SI: variants seen among roughly 807,000 people sequenced by gnomAD.
The protein encoded by SI is sucrase-isomaltase.
A neutral mutation model predicts 253.3 loss-of-function variants in SI; 235 were observed. That is an observed-to-expected ratio of 0.93 (90% CI 0.83 to 1.03). SI has a LOEUF of 1.03. Among genes scored for constraint, SI ranks in the 50% least tolerant of loss-of-function variants. SI has a pLI of 0.00. For missense variants in SI, 2,442 were observed against 2,211.1 expected (o/e 1.10, Z -2.09); for synonymous variants, 819 against 712.0 (o/e 1.15, Z -2.39).
At chr3:165,047,155 C>A in intron 15 of SI, 143 bp from the exon 16 acceptor site, 2 of 653,330 alleles carry the variant, frequency 3.1e-6, no homozygotes, top group Non-Finnish European at 5.2e-6. Context: ...TTGTAACTTC[C>A]ACAATTCCCA....
chr3:165,018,652 A>G (rs1164263310), intron 28 of SI, among the ~76,000 whole-genome samples: 1 of 151,256 alleles, frequency 6.6e-6, no homozygotes, highest in Non-Finnish European at 1.5e-5. Context: ...TAATATATAT[A>G]AAATTACCAG....
chr3:165,019,887 C>T, intron 27 of SI, 117 bp from the exon 28 acceptor site: 1 of 916,540 alleles, frequency 1.1e-6, no homozygotes, highest in South Asian at 1.4e-5. Context: ...TTCCATATTC[C>T]TAATTATACC....
At chr3:165,020,459 G>C (rs149649717) in intron 27 of SI, among the ~76,000 whole-genome samples, 2 of 151,478 alleles carry the variant, frequency 1.3e-5, no homozygotes, top group Admixed American at 1.3e-4. Context: ...CTATTTAATC[G>C]AGAATAATGC....
Position 165,015,163 on chromosome 3 carries a change from A to G in SI, c.3959T>C (p.Phe1320Ser). The G allele has an allele frequency of 1.2e-6, 2 of 1,613,578 alleles. No homozygotes were observed. Among genetic ancestry groups the G allele is most frequent in the Non-Finnish European group, 1.7e-6 (2 of 1,179,678 alleles). ...GTCATTGGTGTTTGGCCATTTGACAAAGACATCATTCTGCTGTCCTCTTTC... is the reference window on the plus strand; with the variant it reads ...GTCATTGGTGTTTGGCCATTTGACAGAGACATCATTCTGCTGTCCTCTTTC... ...AFERGQQNDV[F>S]VKWPNTNDIC... The change falls in exon 33 of 48, where the codon TTT becomes TCT. Residue 1320 changes from phenylalanine to serine, a missense_variant. Coordinates refer to ENST00000264382, the MANE Select transcript of SI (RefSeq NM_001041.4).
chr3:165,068,908 G>A, intron 4 of SI, 77 bp from the exon 5 acceptor site: 1 of 1,076,904 alleles, frequency 9.3e-7, no homozygotes, highest in Non-Finnish European at 1.4e-6. Context: ...TTATGTTATT[G>A]TATTTACCAC....
chr3:165,040,858 G>T, intron 18 of SI, 82 bp downstream of exon 18: 1 of 1,106,496 alleles, frequency 9.0e-7, no homozygotes, highest in Non-Finnish European at 1.4e-6. Flanking sequence ...TTGATATCTT[G>T]ATTTACCTCC....
intron 16 of SI, among the ~76,000 whole-genome samples, chr3:165,043,679 A>G (rs1712970996): frequency 6.6e-6 from 1 of 152,062 alleles, no homozygotes; most frequent in African/African-American, 2.4e-5. Flanking sequence ...ATCCTTATTC[A>G]AGGACTCTCC....
intron 23 of SI, 100 bp from the exon 24 acceptor site, chr3:165,032,792 T>A: frequency 4.2e-6 from 3 of 706,952 alleles, no homozygotes; most frequent in Non-Finnish European, 7.2e-6. Context: ...ATCATCTACA[T>A]CTCTATTCCC....
At chr3:165,061,613 A>T (rs995337422) in intron 9 of SI, among the ~76,000 whole-genome samples, 1 of 152,028 alleles carries the variant, frequency 6.6e-6, no homozygotes, top group Non-Finnish European at 1.5e-5. Context: ...CAAGAAAATA[A>T]TATTTTTAAA....
chr3:165,043,252 A>G (rs1712941710), intron 16 of SI, 77 bp from the exon 17 acceptor site: 1 of 908,278 alleles, frequency 1.1e-6, no homozygotes, highest in Non-Finnish European at 1.8e-6. Context: ...GTATGCCTCA[A>G]CTGATGAATG....
chr3:164,983,947 A>T (rs1717318480), intron 45 of SI, among the ~76,000 whole-genome samples: 1 of 152,076 alleles, frequency 6.6e-6, no homozygotes, highest in African/African-American at 2.4e-5. Context: ...CCTACAGGTA[A>T]AACTTGTTTA....
chr3:164,981,753 T>C (rs1017515736), intron 47 of SI, among the ~76,000 whole-genome samples: 1 of 152,152 alleles, frequency 6.6e-6, no homozygotes, highest in Non-Finnish European at 1.5e-5. Flanking sequence ...AAATTTTTTG[T>C]TCAAAGTAAA....
rs138264311 is a variant in SI at position 165,047,478 on chromosome 3, C to T, written c.1716-466G>A. ...CATGAAACTGGGCTAATACACCATGCCATAATATTTATAATAATTATGTCA... is the reference window on the plus strand; with the variant it reads ...CATGAAACTGGGCTAATACACCATGTCATAATATTTATAATAATTATGTCA... On this transcript the variant is annotated intron_variant, in intron 15 of 47. Coordinates refer to ENST00000264382, the MANE Select transcript of SI (RefSeq NM_001041.4). 1.5e-3 allele frequency among the ~76,000 whole-genome samples: 225 copies of T among 151,888 alleles called. 3 individuals carry two copies. Among genetic ancestry groups the T allele is most frequent in the Non-Finnish European group, 1.7e-3 (118 of 67,946 alleles).
At chr3:165,068,289 C>T (rs889002991) in intron 5 of SI, among the ~76,000 whole-genome samples, 2 of 152,070 alleles carry the variant, frequency 1.3e-5, no homozygotes, top group African/African-American at 4.8e-5. Flanking sequence ...TTTAAAGCCT[C>T]CAAAAATAAG....
chr3:164,992,371 T>A lies in SI; in HGVS notation c.4868A>T (p.Asp1623Val), dbSNP rs146899814. The change falls in exon 42 of 48, where the codon GAT (aspartate) becomes GTT (valine). Residue 1623 changes from aspartate (D) to valine (V), a missense_variant. Coordinates refer to ENST00000264382, the MANE Select transcript of SI (RefSeq NM_001041.4). Reference protein sequence around the residue: ...HEFFDEKPTWDIFKQFLWGPA... With the variant: ...HEFFDEKPTWVIFKQFLWGPA... Reference sequence around the variant, plus strand: ...ACCCCATAAGAACTGCTTGAATATATCCCAGGTTGGTTTTTCATCAAAGAA... The same window carrying A: ...ACCCCATAAGAACTGCTTGAATATAACCCAGGTTGGTTTTTCATCAAAGAA... The A allele has an allele frequency of 1.2e-6, 2 of 1,612,312 alleles. No homozygotes were observed. The highest frequency in any genetic ancestry group is 1.7e-6 in the Non-Finnish European group (2 of 1,179,162).
At position 165,019,649 on chromosome 3, in the gene SI, G is replaced by T. The variant is rs1300168006; in HGVS notation, c.3376C>A (p.Leu1126Met). The T allele has an allele frequency of 6.2e-7, 1 of 1,612,594 alleles. No homozygotes were observed. ...EVEHTAFKRD[L>M]NWNTWGMFTR... is the part of the protein sequence containing the mutation. Reference sequence around the variant, plus strand: ...AACATTCCCCAAGTATTCCAGTTCAGATCTCGCTTAAATGCTGTATGTTCC... The same window carrying T: ...AACATTCCCCAAGTATTCCAGTTCATATCTCGCTTAAATGCTGTATGTTCC... The change falls in exon 28 of 48, where the codon CTG becomes ATG. Residue 1126 changes from leucine to methionine, a missense_variant. Coordinates refer to ENST00000264382, the MANE Select transcript of SI (RefSeq NM_001041.4).
At chr3:164,981,877 GT>G (rs1717204878) in intron 47 of SI, among the ~76,000 whole-genome samples, 1 of 152,108 alleles carries the variant, frequency 6.6e-6, no homozygotes, top group Non-Finnish European at 1.5e-5. Context: ...GTTTTATTAA[GT>G]TTGCAAGAAT....
intron 47 of SI, among the ~76,000 whole-genome samples, chr3:164,981,934 T>C (rs932866434): frequency 1.3e-5 from 2 of 152,152 alleles, no homozygotes; most frequent in African/African-American, 4.8e-5. Context: ...AATGCAGATA[T>C]CTTATTTTTA....
At chr3:164,990,107 T>C (rs180929263) in intron 44 of SI, among the ~76,000 whole-genome samples, 2 of 152,186 alleles carry the variant, frequency 1.3e-5, no homozygotes, top group Admixed American at 6.6e-5. Flanking sequence ...TCAATGATTG[T>C]AACAAATGTG....
Sources: gnomAD v4.1 joint callset for allele counts (sites outside exome capture counted in the v4.1 genomes callset) on GRCh38, gnomAD v4.1.1 for gene constraint, MANE v1.5 for transcripts, NCBI Gene and HGNC (gene_info 2026-07-23, HGNC 2026-07-21) for gene names.